Variants in ARHGAP19 observed in about 807,000 individuals in gnomAD.
ARHGAP19 encodes Rho GTPase activating protein 19, also known as rho GTPase-activating protein 19.
A neutral mutation model predicts 60.9 loss-of-function variants in ARHGAP19; 48 were observed. The observed-to-expected ratio is 0.79, with a 90% CI of 0.62 to 1.00. ARHGAP19 has a LOEUF of 1.00. Among genes scored for constraint, ARHGAP19 ranks in the 50% least tolerant of loss-of-function variants. ARHGAP19 has a pLI of 0.00. For missense variants in ARHGAP19, 562 were observed against 597.2 expected, an observed-to-expected ratio of 0.94 and a Z score of 0.61; for synonymous variants, 209 against 215.5, an observed-to-expected ratio of 0.97 and a Z score of 0.27.
chr10:97,239,322 G>A lies in ARHGAP19; in HGVS notation c.1186-4007C>T, dbSNP rs182483117. ...ATCCTGGCCAACATGGTGAAACCCCGTCTCTACTAAAATACAAAAAAAAAT... is the reference window on the plus strand; with the variant it reads ...ATCCTGGCCAACATGGTGAAACCCCATCTCTACTAAAATACAAAAAAAAAT... On this transcript the variant is annotated intron_variant, in intron 8 of 11. Coordinates refer to ENST00000358531, the MANE Select transcript of ARHGAP19 (RefSeq NM_032900.6). 3.8e-3 allele frequency among the ~76,000 whole-genome samples: 578 copies of A among 152,072 alleles called. 4 individuals carry two copies. The highest frequency in any genetic ancestry group is 0.013 in the African/African-American group (538 of 41,486).
In ARHGAP19 at chr10:97,244,058, G is replaced by T; in HGVS notation, c.1095C>A (p.Thr365=). 1 of 1,614,052 alleles carries T rather than the reference G, an allele frequency of 6.2e-7. No homozygotes were observed. ...TCAGTGCCTCTTCCGTATGGTGCTG[G>T]GTCTCCTCCTGGTGAGGGCAGGAAT... is the stretch of plus-strand genomic sequence containing the variant. The part of the protein sequence containing the change: ...RVDSCPHQEE[T]QHHTEEALRE... Residue 365 remains threonine, a synonymous_variant, in exon 8 of 12, where the codon ACC becomes ACA. Transcript: ENST00000358531.
intron 5 of ARHGAP19, 72 bp downstream of exon 5, chr10:97,259,330 C>CA: frequency 8.4e-7 from 1 of 1,190,212 alleles, no homozygotes; most frequent in Non-Finnish European, 1.3e-6. Flanking sequence ...ATAATCTCAC[C>CA]AATGTACAGC....
chr10:97,255,617 A>C (rs1021646067), intron 6 of ARHGAP19, among the ~76,000 whole-genome samples: 2 of 152,164 alleles, frequency 1.3e-5, no homozygotes, highest in Non-Finnish European at 2.9e-5. Flanking sequence ...ACTATCAAGG[A>C]AGTATACACT....
chr10:97,249,589 C>T (rs1190558371), intron 6 of ARHGAP19, among the ~76,000 whole-genome samples: 2 of 152,000 alleles, frequency 1.3e-5, no homozygotes, highest in Non-Finnish European at 2.9e-5. Flanking sequence ...TAACTTGATG[C>T]TTCAATAAAT....
chr10:97,283,242 C>A (rs1182571001), intron 1 of ARHGAP19, among the ~76,000 whole-genome samples: 1 of 152,134 alleles, frequency 6.6e-6, no homozygotes, highest in Non-Finnish European at 1.5e-5. Flanking sequence ...TCTGTAGAAA[C>A]AACCCACCCT....
intron 6 of ARHGAP19, among the ~76,000 whole-genome samples, chr10:97,252,814 A>G (rs1842704040): frequency 6.6e-6 from 1 of 152,188 alleles, no homozygotes; most frequent in South Asian, 2.1e-4. Context: ...TATGTATTCA[A>G]AGGGAAGAAA....
intron 11 of ARHGAP19, 114 bp downstream of exon 11, chr10:97,229,033 T>G (rs751600464): frequency 3.7e-6 from 4 of 1,070,010 alleles, no homozygotes; most frequent in African/African-American, 3.1e-5. Flanking sequence ...CCTTGTAATT[T>G]TTATGTCACT....
chr10:97,271,054 A>G (rs1842953870), intron 1 of ARHGAP19, among the ~76,000 whole-genome samples: 1 of 152,232 alleles, frequency 6.6e-6, no homozygotes, highest in South Asian at 2.1e-4. Flanking sequence ...AAAAACATTA[A>G]AAAACAATAT....
chr10:97,249,837 C>T (rs1158873479), intron 6 of ARHGAP19, among the ~76,000 whole-genome samples: 1 of 138,132 alleles, frequency 7.2e-6, no homozygotes, highest in Non-Finnish European at 1.5e-5. Flanking sequence ...CTGGCTCTGT[C>T]GCCCAGGCTG....
chr10:97,265,996 G>A lies in ARHGAP19; in HGVS notation c.186C>T (p.Val62=). ...EKPEIFTELV[V]SNITRLIDLP... The stretch of plus-strand genomic sequence containing the variant: ...AATCGATGAGCCTTGTGATATTGCT[G>A]ACCACCAACTCAGTGAAAATCTCAG... Residue 62 remains valine (V), a synonymous_variant, in exon 2 of 12, where the codon GTC becomes GTT. Transcript: ENST00000358531. The A allele has an allele frequency of 6.2e-7, 1 of 1,614,110 alleles. No individual in the cohort carries two copies. Among genetic ancestry groups the A allele is most frequent in the Non-Finnish European group, 8.5e-7 (1 of 1,180,046 alleles).
At chr10:97,252,025 T>C (rs1453624098) in intron 6 of ARHGAP19, among the ~76,000 whole-genome samples, 1 of 151,914 alleles carries the variant, frequency 6.6e-6, no homozygotes, top group Non-Finnish European at 1.5e-5. Context: ...TAACTGTATA[T>C]ACATTGTAAA....
rs141154007 is a variant in ARHGAP19 at position 97,257,335 on chromosome 10, T to C, written c.841-931A>G. Among the ~76,000 whole-genome samples, 3 of 147,878 alleles carry C rather than the reference T, an allele frequency of 2.0e-5. No individual in the cohort carries two copies. In the East Asian group the frequency reaches 6.0e-4, roughly 30 times the overall value. ...TAGGGTCTCGCTTTGTTACCCAGATTGGAGTACAGTGGTGCAATCATAACT... is the reference window on the plus strand; with the variant it reads ...TAGGGTCTCGCTTTGTTACCCAGATCGGAGTACAGTGGTGCAATCATAACT... On this transcript the variant is annotated intron_variant, in intron 5 of 11. Coordinates refer to ENST00000358531, the MANE Select transcript of ARHGAP19 (RefSeq NM_032900.6).
chr10:97,241,146 C>T (rs1185583728), intron 8 of ARHGAP19, among the ~76,000 whole-genome samples: 1 of 151,330 alleles, frequency 6.6e-6, no homozygotes, highest in Non-Finnish European at 1.5e-5. Context: ...CATGGTGAAA[C>T]CCCATCTCTA....
intron 5 of ARHGAP19, among the ~76,000 whole-genome samples, chr10:97,257,045 C>T (rs1005302582): frequency 1.1e-4 from 17 of 152,112 alleles, no homozygotes; most frequent in African/African-American, 3.9e-4. Context: ...GGCATGAACC[C>T]GGGAGGCAGA....
At chr10:97,282,776 C>T (rs1399795053) in intron 1 of ARHGAP19, among the ~76,000 whole-genome samples, 1 of 151,918 alleles carries the variant, frequency 6.6e-6, no homozygotes, top group Non-Finnish European at 1.5e-5. Context: ...TACTCGAATC[C>T]CCAGTTATAG....
intron 8 of ARHGAP19, among the ~76,000 whole-genome samples, chr10:97,242,041 T>A (rs943592739): frequency 2.8e-4 from 42 of 147,382 alleles, no homozygotes; most frequent in Middle Eastern, 3.5e-3. Context: ...TAATAATAAT[T>A]AATAAATAAA....
intron 9 of ARHGAP19, among the ~76,000 whole-genome samples, 189 bp from the exon 10 acceptor site, chr10:97,230,063 A>G (rs1385498728): frequency 6.6e-6 from 1 of 152,142 alleles, no homozygotes; most frequent in Non-Finnish European, 1.5e-5. Flanking sequence ...ACCCAAAATC[A>G]TTACTTTTGT....
At chr10:97,272,055 A>G (rs1279087600) in intron 1 of ARHGAP19, among the ~76,000 whole-genome samples, 2 of 151,356 alleles carry the variant, frequency 1.3e-5, no homozygotes, top group African/African-American at 4.9e-5. Context: ...ATTGGTCTTA[A>G]ATTTTCCTTG....
intron 4 of ARHGAP19, among the ~76,000 whole-genome samples, chr10:97,260,348 G>C (rs1243814287): frequency 6.6e-6 from 1 of 151,094 alleles, no homozygotes; most frequent in Non-Finnish European, 1.5e-5. Context: ...AGCTAACACA[G>C]TGAAACCTGT....
Sources: allele counts gnomAD v4.1 joint callset (sites outside exome capture counted in the v4.1 genomes callset), GRCh38; gene constraint gnomAD v4.1.1; transcripts MANE v1.5; gene names NCBI Gene and HGNC (gene_info 2026-07-23, HGNC 2026-07-21).